Variants in CDH13 observed in about 807,000 individuals in gnomAD.
CDH13 encodes the protein cadherin 13, also known as cadherin-13.
Under a neutral mutation model 63.8 loss-of-function variants are expected in CDH13, and 24 were observed. The observed-to-expected ratio is 0.38, with a 90% CI of 0.27 to 0.53. The LOEUF (loss-of-function observed/expected upper bound fraction) is 0.53. Ranked by LOEUF, CDH13 falls within the 20% of genes least tolerant of loss-of-function variation. The pLI is 0.85. For synonymous variants in CDH13, 503 were observed against 355.3 expected (o/e 1.42, Z -4.67); for missense variants, 1,049 against 903.1 (o/e 1.16, Z -2.07).
At chr16:83,677,815 C>A (rs143462640) in intron 9 of CDH13, among the ~76,000 whole-genome samples, 2 of 152,024 alleles carry the variant, frequency 1.3e-5, no homozygotes, top group Non-Finnish European at 1.5e-5. Flanking sequence ...AGGTTCCAGG[C>A]AGGGAGGCTT....
intron 4 of CDH13, among the ~76,000 whole-genome samples, chr16:83,152,266 A>G (rs979747677): frequency 5.3e-5 from 8 of 152,208 alleles, no homozygotes; most frequent in Non-Finnish European, 1.0e-4. Context: ...CACCTAAATG[A>G]TCCACGACAA....
chr16:82,782,606 G>T (rs113904387), intron 1 of CDH13, among the ~76,000 whole-genome samples: 3 of 151,878 alleles, frequency 2.0e-5, no homozygotes, highest in African/African-American at 7.3e-5. Flanking sequence ...GTGCATAATA[G>T]GTAGATAAAT....
chr16:83,707,686 G>A (rs912585302), intron 10 of CDH13, among the ~76,000 whole-genome samples: 19 of 151,742 alleles, frequency 1.3e-4, no homozygotes, highest in African/African-American at 2.2e-4. Flanking sequence ...CTGACATGCC[G>A]CACTGTGCTA....
At chr16:83,400,612 C>G (rs1249369421) in intron 6 of CDH13, among the ~76,000 whole-genome samples, 2 of 152,154 alleles carry the variant, frequency 1.3e-5, no homozygotes, top group Non-Finnish European at 2.9e-5. Flanking sequence ...TTGCACCAAC[C>G]TAATACAAAC....
chr16:83,239,756 C>A (rs892543978), intron 5 of CDH13, among the ~76,000 whole-genome samples: 1 of 152,160 alleles, frequency 6.6e-6, no homozygotes, highest in East Asian at 1.9e-4. Context: ...TCAGTAACAG[C>A]AGTGAACCAG....
chr16:82,919,932 G>T (rs568283097), intron 2 of CDH13, among the ~76,000 whole-genome samples: 1 of 152,174 alleles, frequency 6.6e-6, no homozygotes, highest in Admixed American at 6.6e-5. Flanking sequence ...TATTAAACAC[G>T]TTTTGTGAAT....
chr16:83,368,354 C>T (rs867774746), intron 6 of CDH13, among the ~76,000 whole-genome samples: 1 of 152,152 alleles, frequency 6.6e-6, no homozygotes, highest in Admixed American at 6.5e-5. Flanking sequence ...ACCTTTCTAA[C>T]GTGTGAACTA....
chr16:83,347,918 G>GGTT (rs2151370379), intron 6 of CDH13, among the ~76,000 whole-genome samples: 1 of 152,324 alleles, frequency 6.6e-6, no homozygotes, highest in South Asian at 2.1e-4. Flanking sequence ...CCAGCTGGGT[G>GGTT]GAGTGGCTCA....
intron 5 of CDH13, among the ~76,000 whole-genome samples, chr16:83,218,348 G>A (rs1194549806): frequency 5.3e-5 from 8 of 152,146 alleles, no homozygotes. Flanking sequence ...GGAGGATGCG[G>A]GTGCTTTCCA....
At chr16:83,434,118 G>A (rs185944212) in intron 6 of CDH13, among the ~76,000 whole-genome samples, 1 of 152,238 alleles carries the variant, frequency 6.6e-6, no homozygotes, top group Admixed American at 6.5e-5. Context: ...AAGGGGCATC[G>A]TTAATAGCCC....
intron 1 of CDH13, among the ~76,000 whole-genome samples, chr16:82,676,128 T>G (rs1189864878): frequency 1.3e-5 from 2 of 152,236 alleles, no homozygotes; most frequent in African/African-American, 4.8e-5. Context: ...ATCTCATCCA[T>G]GTCCATGGAT....
At chr16:83,441,644 A>G (rs1439311486) in intron 6 of CDH13, among the ~76,000 whole-genome samples, 2 of 152,070 alleles carry the variant, frequency 1.3e-5, no homozygotes, top group Non-Finnish European at 2.9e-5. Context: ...GCTTTTCCTG[A>G]TACGGTTTAT....
At chr16:83,256,569 C>T (rs539183930) in intron 5 of CDH13, among the ~76,000 whole-genome samples, 195 of 151,478 alleles carry the variant, frequency 1.3e-3, no homozygotes, top group African/African-American at 4.4e-3. Flanking sequence ...CGGTGGCTCA[C>T]GCCTGTAATC....
At chr16:83,264,664 C>A (rs1044688316) in intron 5 of CDH13, among the ~76,000 whole-genome samples, 17 of 151,328 alleles carry the variant, frequency 1.1e-4, no homozygotes, top group Non-Finnish European at 7.4e-5. Context: ...AATATCAAAT[C>A]ATATCTATGG....
intron 2 of CDH13, among the ~76,000 whole-genome samples, chr16:82,865,110 C>T (rs565131413): frequency 6.6e-6 from 1 of 152,324 alleles, no homozygotes; most frequent in South Asian, 2.1e-4. Context: ...TTGGGCAGTT[C>T]CACCCCCATG....
At chr16:83,670,765 C>A in intron 8 of CDH13, 25 bp from the exon 9 acceptor site, 1 of 1,610,804 alleles carries the variant, frequency 6.2e-7, no homozygotes, top group Non-Finnish European at 8.5e-7. Context: ...AAAATAGTGA[C>A]CATTACCATC....
chr16:83,679,688 T>C (rs1336991363), intron 10 of CDH13, among the ~76,000 whole-genome samples: 3 of 152,210 alleles, frequency 2.0e-5, no homozygotes, highest in Non-Finnish European at 4.4e-5. Flanking sequence ...GAGAGAGTCT[T>C]TCTTAAGTAC....
intron 3 of CDH13, among the ~76,000 whole-genome samples, chr16:83,037,094 C>G (rs1457633038): frequency 1.3e-5 from 2 of 152,158 alleles, no homozygotes; most frequent in African/African-American, 4.8e-5. Flanking sequence ...GGTGTTCATC[C>G]AGGAGCCTTG....
chr16:82,743,749 C>G (rs1400949405), intron 1 of CDH13, among the ~76,000 whole-genome samples: 1 of 152,146 alleles, frequency 6.6e-6, no homozygotes, highest in African/African-American at 2.4e-5. Flanking sequence ...TTCTCACATT[C>G]CTGTCCAGAG....
Sources: allele counts gnomAD v4.1 joint callset (sites outside exome capture counted in the v4.1 genomes callset), GRCh38; gene constraint gnomAD v4.1.1; transcripts MANE v1.5; gene names NCBI Gene and HGNC (gene_info 2026-07-23, HGNC 2026-07-21).